The following DAB1 variants were observed in gnomAD, a reference collection of about 807,000 sequenced individuals.
The protein encoded by DAB1 is DAB adaptor protein 1, also known as disabled homolog 1.
In DAB1, 15 loss-of-function variants were observed where a neutral mutation model predicts 64.6. The ratio of observed to expected loss-of-function variants is 0.23; its 90% confidence interval spans 0.16 to 0.36. The LOEUF (loss-of-function observed/expected upper bound fraction) is 0.36, where lower values mean the gene tolerates loss of function less well. DAB1 is among the 10% of genes least tolerant of loss of function. DAB1 has a pLI of 1.00. For synonymous variants in DAB1, 235 were observed against 251.9 expected, an observed-to-expected ratio of 0.93 and a Z score of 0.64; for missense variants, 596 against 706.7, an observed-to-expected ratio of 0.84 and a Z score of 1.78.
intron 2 of DAB1, among the ~76,000 whole-genome samples, chr1:57,272,819 C>A (rs1019224476): frequency 2.0e-5 from 3 of 152,128 alleles, no homozygotes; most frequent in African/African-American, 4.8e-5. Context: ...GCCTTCCTAG[C>A]ACAGTGGGTT....
chr1:58,070,635 T>C (rs1285213846), intron 5 of DAB1, among the ~76,000 whole-genome samples: 2 of 152,084 alleles, frequency 1.3e-5, no homozygotes, highest in East Asian at 3.9e-4. Flanking sequence ...CAAAGGAGGA[T>C]GAAGTACATT....
At chr1:58,016,862 G>A (rs1000112710) in intron 5 of DAB1, among the ~76,000 whole-genome samples, 13 of 152,104 alleles carry the variant, frequency 8.5e-5, no homozygotes, top group African/African-American at 2.4e-4. Flanking sequence ...GATCCTTGAC[G>A]TACAATAGAT....
At chr1:58,428,462 C>T (rs1206117850) in intron 3 of DAB1, among the ~76,000 whole-genome samples, 1 of 152,112 alleles carries the variant, frequency 6.6e-6, no homozygotes, top group Non-Finnish European at 1.5e-5. Flanking sequence ...TAAAATAAAA[C>T]AAAGGTATCC....
At chr1:57,241,680 G>C (rs969359799) in intron 2 of DAB1, among the ~76,000 whole-genome samples, 1 of 152,182 alleles carries the variant, frequency 6.6e-6, no homozygotes, top group Non-Finnish European at 1.5e-5. Flanking sequence ...CACTGATATG[G>C]AGTCTAGCCC....
intron 2 of DAB1, among the ~76,000 whole-genome samples, chr1:57,194,445 G>A (rs1664448955): frequency 6.6e-6 from 1 of 152,122 alleles, no homozygotes; most frequent in Non-Finnish European, 1.5e-5. Context: ...TTTTCCTGAT[G>A]CTTCAAAGAC....
At chr1:57,669,348 C>T (rs1028593992) in intron 6 of DAB1, among the ~76,000 whole-genome samples, 2 of 152,078 alleles carry the variant, frequency 1.3e-5, no homozygotes, top group Non-Finnish European at 2.9e-5. Flanking sequence ...GATTTTTCCT[C>T]ACTACTATAA....
In DAB1 at chr1:57,902,873, T is replaced by A. The variant is rs1355532706; in HGVS notation, n.388-18711A>T. Among the ~76,000 whole-genome samples the A allele has an allele frequency of 5.3e-5, 8 of 152,178 alleles. No homozygotes were observed. The South Asian group carries it at 1.7e-3, about 31-fold the overall frequency. The stretch of plus-strand genomic sequence containing the variant: ...TAATACAATAATGTAAGCATCCGTA[T>A]TAGTCCACTCTCACACTGCTAATAA... On this transcript the variant is annotated intron_variant and non_coding_transcript_variant, in intron 5 of 20. Coordinates refer to the DAB1 transcript ENST00000485760.
intron 5 of DAB1, among the ~76,000 whole-genome samples, chr1:57,908,446 T>C (rs1261630137): frequency 6.6e-6 from 1 of 152,046 alleles, no homozygotes; most frequent in African/African-American, 2.4e-5. Context: ...AGGGAGGAAA[T>C]GAGGGAGAGC....
chr1:57,820,086 T>C (rs1652050103), intron 6 of DAB1, among the ~76,000 whole-genome samples: 1 of 152,178 alleles, frequency 6.6e-6, no homozygotes, highest in African/African-American at 2.4e-5. Context: ...ATTACCTCCA[T>C]TAACAGAAAC....
At chr1:58,448,031 G>A (rs1645091209) in intron 3 of DAB1, among the ~76,000 whole-genome samples, 1 of 151,992 alleles carries the variant, frequency 6.6e-6, no homozygotes, top group African/African-American at 2.4e-5. Flanking sequence ...CTCATGCAAT[G>A]GCTAACACAG....
chr1:58,422,648 A>G (rs1008938812), intron 3 of DAB1, among the ~76,000 whole-genome samples: 3 of 141,398 alleles, frequency 2.1e-5, no homozygotes, highest in Non-Finnish European at 4.5e-5. Context: ...TCTGTCGCCC[A>G]GGCTGGAGTG....
chr1:58,158,028 C>G (rs1351591502), intron 4 of DAB1, among the ~76,000 whole-genome samples: 1 of 152,240 alleles, frequency 6.6e-6, no homozygotes. Flanking sequence ...AAACAGCCCA[C>G]AAGGGGTTAA....
chr1:58,049,996 A>C (rs79919912), intron 5 of DAB1, among the ~76,000 whole-genome samples: 4,491 of 152,278 alleles, frequency 0.029, 172 homozygotes, highest in African/African-American at 0.091. Flanking sequence ...TCATGCAGGG[A>C]ACTCTAAAGA....
chr1:58,178,330 A>T (rs886727568), intron 4 of DAB1, among the ~76,000 whole-genome samples: 12 of 152,168 alleles, frequency 7.9e-5, no homozygotes, highest in African/African-American at 2.9e-4. Context: ...ATGCATGCAT[A>T]CATGCACATA....
At chr1:57,397,789 A>G (rs978712116) in intron 1 of DAB1, among the ~76,000 whole-genome samples, 3 of 152,274 alleles carry the variant, frequency 2.0e-5, no homozygotes, top group Non-Finnish European at 4.4e-5. Flanking sequence ...TCTCCTTCAT[A>G]AGAACGGCCA....
intron 2 of DAB1, chr1:58,527,177 T>C: frequency 2.5e-6 from 2 of 794,160 alleles, no homozygotes; most frequent in Admixed American, 1.7e-5. Flanking sequence ...ATTCTCTGCT[T>C]ATGCCAAGCC....
chr1:58,243,931 C>G (rs575770267), intron 4 of DAB1, among the ~76,000 whole-genome samples: 32 of 150,566 alleles, frequency 2.1e-4, no homozygotes, highest in Middle Eastern at 3.4e-3. Context: ...ATAGGGTTGA[C>G]AATGAAAAAA....
At chr1:57,934,936 G>A (rs1468981842) in intron 5 of DAB1, among the ~76,000 whole-genome samples, 1 of 152,210 alleles carries the variant, frequency 6.6e-6, no homozygotes, top group African/African-American at 2.4e-5. Context: ...TGTGACCTGG[G>A]AAGCAATGAG....
chr1:57,887,830 G>A (rs1644248601), upstream of DAB1, among the ~76,000 whole-genome samples: 1 of 152,122 alleles, frequency 6.6e-6, no homozygotes, highest in Non-Finnish European at 1.5e-5. Flanking sequence ...TAATGGTGTT[G>A]GTTTTTCTGT....
Sources: allele counts gnomAD v4.1 joint callset (sites outside exome capture counted in the v4.1 genomes callset), GRCh38; gene constraint gnomAD v4.1.1; transcripts MANE v1.5; gene names NCBI Gene and HGNC (gene_info 2026-07-23, HGNC 2026-07-21).